Variants in ATP10B observed in about 807,000 individuals in gnomAD.
The protein encoded by ATP10B is phospholipid-transporting ATPase VB.
Under a neutral mutation model 141.2 loss-of-function variants are expected in ATP10B, and 122 were observed. The ratio of observed to expected loss-of-function variants is 0.86; its 90% CI spans 0.75 to 1.00. ATP10B has a LOEUF of 1.00. ATP10B is among the 50% of genes least tolerant of loss of function. ATP10B has a pLI of 0.00. For missense variants in ATP10B, 1,876 were observed against 1,825.3 expected (o/e 1.03, Z -0.51); for synonymous variants, 685 against 692.0 (o/e 0.99, Z 0.16).
intron 2 of ATP10B, among the ~76,000 whole-genome samples, chr5:160,752,173 CTTTTTT>C (rs561913092): frequency 2.4e-5 from 3 of 123,310 alleles, no homozygotes; most frequent in African/African-American, 8.9e-5. Flanking sequence ...AGTCCCCCTA[CTTTTTT>C]TTTTTTTTTT....
At chr5:160,600,849 T>C (rs1757065110) in intron 21 of ATP10B, among the ~76,000 whole-genome samples, 2 of 152,236 alleles carry the variant, frequency 1.3e-5, no homozygotes, top group Admixed American at 6.5e-5. Context: ...TGGTTTCATA[T>C]GTGGAAGTCA....
Position 160,809,858 on chromosome 5 carries a change from T to C in ATP10B, c.-575-24055A>G, listed in dbSNP as rs147460180. Among the ~76,000 whole-genome samples the C allele has an allele frequency of 7.0e-4, 106 of 152,316 alleles. 1 individual carries two copies. The East Asian group carries it at 0.018, about 27-fold the overall frequency. ...ACTGAGAGATTTTTTAGCTATTCAT[T>C]CTATTTTCTTTAATGGCTGTGATCT... On this transcript the variant is annotated intron_variant, in intron 1 of 25. Transcript: ENST00000327245.
chr5:160,844,871 G>A (rs542749332), intron 1 of ATP10B, among the ~76,000 whole-genome samples: 3 of 152,078 alleles, frequency 2.0e-5, no homozygotes, highest in African/African-American at 7.2e-5. Context: ...TAACTTAGCG[G>A]TCATGTTAAA....
chr5:160,838,449 GT>G (rs1400224256), intron 1 of ATP10B, among the ~76,000 whole-genome samples: 1 of 152,098 alleles, frequency 6.6e-6, no homozygotes, highest in Non-Finnish European at 1.5e-5. Context: ...TTCCACTTCT[GT>G]TCTCTATTTG....
chr5:160,594,969 C>T (rs1486059518), intron 22 of ATP10B, among the ~76,000 whole-genome samples: 1 of 152,166 alleles, frequency 6.6e-6, no homozygotes, highest in Non-Finnish European at 1.5e-5. Flanking sequence ...CTACTGTCAA[C>T]ATTAGACAGA....
chr5:160,700,590 A>G (rs1391019216), intron 3 of ATP10B, among the ~76,000 whole-genome samples: 1 of 152,204 alleles, frequency 6.6e-6, no homozygotes, highest in African/African-American at 2.4e-5. Flanking sequence ...AGAACTTTTC[A>G]TTCCTCTGTT....
At chr5:160,617,141 T>C (rs1388635228) in intron 16 of ATP10B, among the ~76,000 whole-genome samples, 6 of 152,216 alleles carry the variant, frequency 3.9e-5, no homozygotes, top group Admixed American at 1.3e-4. Context: ...AGAGAACCCA[T>C]GTCTAGCCAT....
rs180779345 is a variant in ATP10B, at chr5:160,653,539, T to C, written c.676-4283A>G. On this transcript the variant is annotated intron_variant, in intron 7 of 25. Coordinates refer to ENST00000327245, the MANE Select transcript of ATP10B (RefSeq NM_025153.3). ...GTAGTATATATACATATATTACATA[T>C]ACATACATACATATATACATATATA... Among the ~76,000 whole-genome samples, 202 of 127,018 alleles carry C rather than the reference T, an allele frequency of 1.6e-3. 14 individuals carry two copies. Among genetic ancestry groups the C allele is most frequent in the African/African-American group, 6.5e-3 (182 of 28,192 alleles). The allele number at this position is 127,018 out of a possible 152,430, so 83.3% of individuals were successfully genotyped here.
At chr5:160,577,385 A>G (rs577865529) in intron 24 of ATP10B, among the ~76,000 whole-genome samples, 1 of 151,968 alleles carries the variant, frequency 6.6e-6, no homozygotes, top group East Asian at 1.9e-4. Context: ...TTACCTCATG[A>G]CTCTATCTTA....
At chr5:160,925,063 A>ATTG in the ATP10B span, among the ~76,000 whole-genome samples, 1 of 152,256 alleles carries the variant, frequency 6.6e-6, no homozygotes, top group Non-Finnish European at 1.5e-5. Context: ...TTACCTAGAA[A>ATTG]GTAGATTGGA....
chr5:160,820,408 A>G (rs1017766203), intron 1 of ATP10B, among the ~76,000 whole-genome samples: 1 of 151,908 alleles, frequency 6.6e-6, no homozygotes, highest in African/African-American at 2.4e-5. Context: ...ACCCAGAAAA[A>G]AACAAAAAAA....
At chr5:160,778,236 G>A (rs1451245363) in intron 2 of ATP10B, among the ~76,000 whole-genome samples, 1 of 152,122 alleles carries the variant, frequency 6.6e-6, no homozygotes, top group Non-Finnish European at 1.5e-5. Context: ...ACTTCACTTG[G>A]AAACAGCATC....
At chr5:160,767,645 C>T (rs969410995) in intron 2 of ATP10B, among the ~76,000 whole-genome samples, 1 of 134,038 alleles carries the variant, frequency 7.5e-6, no homozygotes, top group Non-Finnish European at 1.6e-5. Context: ...ACCCCCCCCC[C>T]CAAAATAACA....
intron 1 of ATP10B, among the ~76,000 whole-genome samples, chr5:160,827,416 G>A (rs77590920): frequency 6.6e-6 from 1 of 152,228 alleles, no homozygotes; most frequent in East Asian, 1.9e-4. Context: ...GTGATGTTGA[G>A]CATTTTTTCA....
chr5:160,633,880 T>G, intron 12 of ATP10B: 1 of 293,924 alleles, frequency 3.4e-6, no homozygotes, highest in South Asian at 3.5e-5. Context: ...AATCAAAACT[T>G]TGCCTCAGTG....
chr5:160,617,998 T>A, intron 15 of ATP10B, 25 bp from the exon 16 acceptor site: 1 of 1,563,588 alleles, frequency 6.4e-7, no homozygotes, highest in Non-Finnish European at 8.8e-7. Context: ...TTTTCCCGCA[T>A]GAGGCCACAT....
chr5:160,701,541 G>A (rs562372864), intron 3 of ATP10B, among the ~76,000 whole-genome samples: 2 of 152,260 alleles, frequency 1.3e-5, no homozygotes, highest in Admixed American at 1.3e-4. Flanking sequence ...AGTCTGGATT[G>A]AGGGATTCTA....
chr5:160,614,123 G>C (rs1159716046), intron 17 of ATP10B: 1 of 151,926 alleles, frequency 6.6e-6, no homozygotes, highest in East Asian at 1.9e-4. Context: ...CCATTATCCT[G>C]AAATGTGCCT....
At chr5:160,757,306 C>T (rs1162011000) in intron 2 of ATP10B, among the ~76,000 whole-genome samples, 3 of 152,106 alleles carry the variant, frequency 2.0e-5, no homozygotes, top group African/African-American at 7.2e-5. Context: ...CTTCATTTGC[C>T]ATGAAAGTAG....
Sources: gnomAD v4.1 joint callset for allele counts (sites outside exome capture counted in the v4.1 genomes callset) on GRCh38, gnomAD v4.1.1 for gene constraint, MANE v1.5 for transcripts, NCBI Gene and HGNC (gene_info 2026-07-23, HGNC 2026-07-21) for gene names.